The following KCNIP4 variants were observed in gnomAD, a reference collection of about 807,000 sequenced individuals.
KCNIP4 encodes Kv channel-interacting protein 4.
Under a neutral mutation model 34.0 loss-of-function variants are expected in KCNIP4, and 12 were observed. That is an observed-to-expected ratio of 0.35 (90% CI 0.23 to 0.57). KCNIP4 has a LOEUF of 0.57. KCNIP4 is among the 20% of genes least tolerant of loss of function. The pLI, the probability that KCNIP4 is intolerant of heterozygous loss-of-function variation, is 0.83. For missense variants in KCNIP4, 238 were observed against 311.7 expected (o/e 0.76, Z 1.78); for synonymous variants, 124 against 102.2 (o/e 1.21, Z -1.29).
At chr4:21,777,296 C>T (rs1320237801) in intron 1 of KCNIP4, among the ~76,000 whole-genome samples, 1 of 152,188 alleles carries the variant, frequency 6.6e-6, no homozygotes, top group Non-Finnish European at 1.5e-5. Context: ...TAAACTAATA[C>T]AGATGTCTTC....
At chr4:21,756,279 G>T (rs1190901921) in intron 1 of KCNIP4, among the ~76,000 whole-genome samples, 2 of 152,112 alleles carry the variant, frequency 1.3e-5, no homozygotes, top group African/African-American at 4.8e-5. Flanking sequence ...CTGTTGGCCG[G>T]GCACAGTGGC....
chr4:21,784,947 A>G (rs1409756408), intron 1 of KCNIP4, among the ~76,000 whole-genome samples: 1 of 152,240 alleles, frequency 6.6e-6, no homozygotes, highest in African/African-American at 2.4e-5. Context: ...TTTAAGCTAA[A>G]ATAGCTGATG....
At chr4:21,532,516 A>G (rs1386754294) in intron 1 of KCNIP4, among the ~76,000 whole-genome samples, 1 of 152,230 alleles carries the variant, frequency 6.6e-6, no homozygotes. Context: ...TGGGAAGCAC[A>G]CAGGCAGAGG....
chr4:20,811,506 TGTGTGTGTGCGC>T (rs1356819814), intron 3 of KCNIP4, among the ~76,000 whole-genome samples: 1 of 97,546 alleles, frequency 1.0e-5, no homozygotes, highest in Non-Finnish European at 2.2e-5. Context: ...TGTGTGTGTG[TGTGTGTGTGCGC>T]GCGCGCACGC....
chr4:21,707,932 TACACACACACACAC>T (rs3050896), intron 1 of KCNIP4, among the ~76,000 whole-genome samples: 6,612 of 146,916 alleles, frequency 0.045, 457 homozygotes, highest in African/African-American at 0.16. Context: ...AACACACACA[TACACACACACACAC>T]ACACACACAC....
At chr4:21,905,187 G>A (rs1412517945) in intron 1 of KCNIP4, among the ~76,000 whole-genome samples, 1 of 152,090 alleles carries the variant, frequency 6.6e-6, no homozygotes, top group Non-Finnish European at 1.5e-5. Flanking sequence ...GGTATAAGGT[G>A]ATGCTGGCAT....
intron 1 of KCNIP4, among the ~76,000 whole-genome samples, chr4:21,640,938 C>T (rs1048232829): frequency 6.6e-6 from 1 of 152,100 alleles, no homozygotes; most frequent in Non-Finnish European, 1.5e-5. Flanking sequence ...AATTTCAGAC[C>T]AAAGCCCTGC....
intron 1 of KCNIP4, among the ~76,000 whole-genome samples, chr4:21,239,837 C>A (rs2109046352): frequency 6.6e-6 from 1 of 152,190 alleles, no homozygotes; most frequent in African/African-American, 2.4e-5. Flanking sequence ...GGATCTAGAA[C>A]TAGAAATACC....
Position 20,931,766 on chromosome 4 carries a change from T to C in KCNIP4, c.62-49057A>G, listed in dbSNP as rs529937986. Among the ~76,000 whole-genome samples the C allele has an allele frequency of 2.6e-5, 4 of 152,156 alleles. No homozygotes were observed. The South Asian group carries it at 8.3e-4, about 32-fold the overall frequency. On this transcript the variant is annotated intron_variant, in intron 1 of 8. Coordinates refer to ENST00000382152, the MANE Select transcript of KCNIP4 (RefSeq NM_025221.6). ...TATGCAGAGATAGACAATAAGTGGT[T>C]CCCAGGGATGGTGGGTGGGGGAAAA... is the stretch of plus-strand genomic sequence containing the variant.
chr4:21,419,356 TGATGATGATGATGATGACAAC>T (rs1342896228), intron 1 of KCNIP4, among the ~76,000 whole-genome samples: 2 of 151,638 alleles, frequency 1.3e-5, no homozygotes, highest in Non-Finnish European at 2.9e-5. Context: ...ACCAGGAAAA[TGATGATGATGATGATGACAAC>T]GATGATGATG....
chr4:21,766,157 G>A (rs1459906247), intron 1 of KCNIP4, among the ~76,000 whole-genome samples: 1 of 152,162 alleles, frequency 6.6e-6, no homozygotes, highest in Non-Finnish European at 1.5e-5. Context: ...AACGGAGCAG[G>A]TGGTGGCCTG....
intron 1 of KCNIP4, among the ~76,000 whole-genome samples, chr4:21,495,353 A>T (rs1377843119): frequency 6.6e-6 from 1 of 152,024 alleles, no homozygotes; most frequent in African/African-American, 2.4e-5. Flanking sequence ...TTCCTGGACC[A>T]CCCCACTTTG....
chr4:21,913,994 A>C (rs1450475510), intron 1 of KCNIP4, among the ~76,000 whole-genome samples: 1 of 152,154 alleles, frequency 6.6e-6, no homozygotes, highest in Non-Finnish European at 1.5e-5. Flanking sequence ...CAAGGCTTGA[A>C]TGAAAGTTTC....
At chr4:21,894,023 T>C (rs1388528508) in intron 1 of KCNIP4, among the ~76,000 whole-genome samples, 3 of 152,106 alleles carry the variant, frequency 2.0e-5, no homozygotes, top group Non-Finnish European at 2.9e-5. Context: ...GATCACATAC[T>C]GAATTTTTTT....
chr4:21,185,802 A>T (rs1306894591), intron 1 of KCNIP4, among the ~76,000 whole-genome samples: 2 of 152,202 alleles, frequency 1.3e-5, no homozygotes, highest in African/African-American at 4.8e-5. Context: ...TTGGCAAATG[A>T]GTTCACATGA....
intron 1 of KCNIP4, among the ~76,000 whole-genome samples, chr4:21,283,284 T>A (rs551736064): frequency 1.3e-5 from 2 of 152,264 alleles, no homozygotes; most frequent in South Asian, 4.1e-4. Context: ...TTATAAAAAT[T>A]GACTTTTATA....
intron 1 of KCNIP4, among the ~76,000 whole-genome samples, chr4:21,903,703 T>C (rs1727831829): frequency 6.6e-6 from 1 of 152,158 alleles, no homozygotes; most frequent in African/African-American, 2.4e-5. Context: ...TATCATGAAA[T>C]ATGCAATTTA....
intron 1 of KCNIP4, among the ~76,000 whole-genome samples, chr4:21,291,602 C>T (rs1252874603): frequency 6.6e-6 from 1 of 151,864 alleles, no homozygotes; most frequent in South Asian, 2.1e-4. Flanking sequence ...GTAATCCCAG[C>T]ACTTTGGGAG....
At chr4:20,791,276 TTAC>T (rs754381353) in intron 3 of KCNIP4, among the ~76,000 whole-genome samples, 6 of 152,102 alleles carry the variant, frequency 3.9e-5, no homozygotes, top group African/African-American at 7.2e-5. Flanking sequence ...AAGACATAAC[TTAC>T]TACAAGAAAT....
Sources: allele counts gnomAD v4.1 joint callset (sites outside exome capture counted in the v4.1 genomes callset), GRCh38; gene constraint gnomAD v4.1.1; transcripts MANE v1.5; gene names NCBI Gene and HGNC (gene_info 2026-07-23, HGNC 2026-07-21).